The following CFAP47 variants were observed in gnomAD, a reference collection of about 807,000 sequenced individuals.
CFAP47 encodes cilia and flagella associated protein 47.
A neutral mutation model predicts 148.1 loss-of-function variants in CFAP47; 29 were observed. That is an observed-to-expected ratio of 0.20 (90% CI 0.15 to 0.27). The LOEUF (loss-of-function observed/expected upper bound fraction) is 0.27. Among genes scored for constraint, CFAP47 ranks in the 10% least tolerant of loss-of-function variants. The pLI is 1.00. For missense variants in CFAP47, 1,872 were observed against 1,697.5 expected (o/e 1.10, Z -1.81); for synonymous variants, 664 against 577.3 (o/e 1.15, Z -2.15).
At chrX:36,359,096 G>C (rs1941807342) in intron 60 of CFAP47, among the ~76,000 whole-genome samples, 1 of 112,201 alleles carries the variant, frequency 8.9e-6, no homozygotes, top group South Asian at 3.7e-4. Flanking sequence ...ATTAATATTT[G>C]CTGAATGAAT....
intron 22 of CFAP47, among the ~76,000 whole-genome samples, chrX:36,025,445 G>T (rs1384342451): frequency 1.8e-5 from 2 of 108,668 alleles, no homozygotes; most frequent in East Asian, 5.7e-4. Flanking sequence ...ACCAACCTGG[G>T]TAGCACAGTG....
intron 27 of CFAP47, among the ~76,000 whole-genome samples, chrX:36,068,965 A>G (rs950611466): frequency 5.5e-5 from 6 of 109,546 alleles, no homozygotes; most frequent in Non-Finnish European, 5.7e-5. Context: ...TAAAAAAAAA[A>G]AAAAAAGAAA....
rs1486613145 is a variant in CFAP47, at chrX:36,325,502, C to T, written c.8443+6195C>T. 9.0e-5 allele frequency among the ~76,000 whole-genome samples: 10 copies of T among 111,529 alleles called. No homozygotes were observed. In the Middle Eastern group the frequency reaches 0.014, roughly 155 times the overall value. On this transcript the variant is annotated intron_variant, in intron 57 of 63. Transcript: ENST00000378653. ...GAAAGTATCTTAAACATCACTGTTA[C>T]GGAATAGTTTTCCTGGGAAGAAGAC...
chrX:36,219,433 G>A (rs1940191768), intron 45 of CFAP47, among the ~76,000 whole-genome samples: 1 of 111,250 alleles, frequency 9.0e-6, no homozygotes, highest in Non-Finnish European at 1.9e-5. Context: ...GTAATTCAAT[G>A]TTTCAGGTTT....
intron 48 of CFAP47, among the ~76,000 whole-genome samples, chrX:36,243,896 T>C (rs1281681004): frequency 1.1e-4 from 12 of 108,832 alleles, no homozygotes; most frequent in African/African-American, 3.6e-4. Context: ...TAGAAAGCTA[T>C]ACAATGGTCC....
At chrX:36,335,178 G>A (rs191907979) in intron 57 of CFAP47, among the ~76,000 whole-genome samples, 4 of 110,263 alleles carry the variant, frequency 3.6e-5, no homozygotes, top group African/African-American at 6.6e-5. Flanking sequence ...TTTGTCCTTC[G>A]GTTTTACTTG....
intron 25 of CFAP47, among the ~76,000 whole-genome samples, chrX:36,042,931 A>G (rs1313973087): frequency 8.9e-6 from 1 of 111,900 alleles, no homozygotes; most frequent in African/African-American, 3.2e-5. Flanking sequence ...CCAATATGAT[A>G]GTGGTACAGG....
At chrX:36,003,967 CTTTTTTTTTTTTT>C (rs761024902) in intron 21 of CFAP47, among the ~76,000 whole-genome samples, 3 of 66,374 alleles carry the variant, frequency 4.5e-5, no homozygotes, top group African/African-American at 6.7e-5. Context: ...CTTTCTTTTT[CTTTTTTTTTTTTT>C]TTTTTTTTTT....
intron 30 of CFAP47, among the ~76,000 whole-genome samples, chrX:36,087,726 G>A (rs1569255004): frequency 9.0e-6 from 1 of 111,651 alleles, no homozygotes; most frequent in Non-Finnish European, 1.9e-5. Context: ...TGTGGTATAA[G>A]GAATGAAACA....
intron 44 of CFAP47, among the ~76,000 whole-genome samples, chrX:36,203,210 C>T (rs73197179): frequency 0.057 from 6,329 of 111,341 alleles, 158 homozygotes; most frequent in Middle Eastern, 0.13. Context: ...TTAGCTCAAA[C>T]CAAACCACTT....
At chrX:36,288,653 ATC>A (rs1941158457) in intron 51 of CFAP47, among the ~76,000 whole-genome samples, 1 of 112,128 alleles carries the variant, frequency 8.9e-6, no homozygotes, top group Non-Finnish European at 1.9e-5. Context: ...AGATCCAGAA[ATC>A]TCTCCACAAA....
intron 25 of CFAP47, among the ~76,000 whole-genome samples, chrX:36,043,587 A>G (rs755520663): frequency 8.9e-6 from 1 of 112,959 alleles, no homozygotes; most frequent in Non-Finnish European, 1.9e-5. Flanking sequence ...ATCTCCTTTG[A>G]CTCTATGTCT....
chrX:35,992,333 G>A lies in CFAP47; in HGVS notation c.2967+390G>A. ...CTAGATCAAGGCCATTCTGGAGAGA[G>A]TATGTTTATGGTTGTTGCTCCTGAT... On this transcript the variant is annotated intron_variant, in intron 17 of 63. Transcript: ENST00000378653. Among the ~76,000 whole-genome samples the A allele has an allele frequency of 2.7e-5, 3 of 110,774 alleles. No individual in the cohort carries two copies. In the Admixed American group the frequency reaches 2.9e-4, roughly 11 times the overall value.
chrX:36,146,295 C>T (rs183056321), intron 36 of CFAP47, among the ~76,000 whole-genome samples: 57 of 111,842 alleles, frequency 5.1e-4, no homozygotes, highest in African/African-American at 1.7e-3. Flanking sequence ...TGTATTCCTT[C>T]ATATCACTTA....
In CFAP47 at chrX:36,213,576, C is replaced by A. The variant is rs1334987588; in HGVS notation, c.6817+8466C>A. 3.6e-5 allele frequency among the ~76,000 whole-genome samples: 4 copies of A among 111,856 alleles called. No homozygotes were observed. The East Asian group carries it at 1.1e-3, about 31-fold the overall frequency. On this transcript the variant is annotated intron_variant, in intron 45 of 63. Transcript: ENST00000378653. ...GCATAATGCCACCATGGTCCAACAT[C>A]TCCATTTGTAAAAGGGAGAATGTTA...
rs1556003405 is a variant in CFAP47 at position 36,280,477 on chromosome X, T to C, written c.7445-10T>C. On this transcript the variant is annotated splice_polypyrimidine_tract_variant and intron_variant, in intron 49 of 63. Transcript: ENST00000378653. ...TGATTAATAGGGCATCTTGTACTTATGTGTTGTAGGTACAATTACATTTTC... is the reference window on the plus strand; with the variant it reads ...TGATTAATAGGGCATCTTGTACTTACGTGTTGTAGGTACAATTACATTTTC... 2 of 492,925 alleles carry C rather than the reference T, an allele frequency of 4.1e-6. No individual in the cohort carries two copies. The highest frequency in any genetic ancestry group is 5.6e-5 in the Admixed American group (2 of 35,603). The allele number at this position is 492,925 out of a possible 1,213,427, so 40.6% of individuals were successfully genotyped here.
At chrX:36,030,676 A>G (rs1937269917) in intron 22 of CFAP47, among the ~76,000 whole-genome samples, 1 of 110,599 alleles carries the variant, frequency 9.0e-6, no homozygotes, top group African/African-American at 3.3e-5. Flanking sequence ...TTTAGTTTTC[A>G]TTAAGAATTA....
chrX:36,178,458 TTGTG>T (rs1404064666), intron 39 of CFAP47, among the ~76,000 whole-genome samples: 1 of 110,768 alleles, frequency 9.0e-6, no homozygotes, highest in African/African-American at 3.3e-5. Flanking sequence ...ATGTGCAGAG[TTGTG>T]TGTGTGTTTG....
In CFAP47 at chrX:36,209,864, A is replaced by G. The variant is rs183723389; in HGVS notation, c.6817+4754A>G. On this transcript the variant is annotated intron_variant, in intron 45 of 63. Coordinates refer to ENST00000378653, the MANE Select transcript of CFAP47 (RefSeq NM_001304548.2). ...TTTAGAACACTTTTATGGTCTCAAA[A>G]AAAACCCAGTACTCTTTAGGTACCA... 1.4e-4 allele frequency among the ~76,000 whole-genome samples: 16 copies of G among 111,511 alleles called. No individual in the cohort carries two copies. In the East Asian group the frequency reaches 3.4e-3, roughly 24 times the overall value.
Sources: gnomAD v4.1 joint callset for allele counts (sites outside exome capture counted in the v4.1 genomes callset) on GRCh38, gnomAD v4.1.1 for gene constraint, MANE v1.5 for transcripts, NCBI Gene and HGNC (gene_info 2026-07-23, HGNC 2026-07-21) for gene names.